Variants in LIG1 observed in about 807,000 individuals in gnomAD.
LIG1 encodes the protein ligase I, DNA, ATP-dependent.
In LIG1, 70 loss-of-function variants were observed where a neutral mutation model predicts 115.7. The ratio of observed to expected loss-of-function variants is 0.60; its 90% CI spans 0.50 to 0.74. The LOEUF is 0.74. Ranked by LOEUF, LIG1 falls within the 30% of genes least tolerant of loss-of-function variation. LIG1 has a pLI of 0.00. For missense variants in LIG1, 1,115 were observed against 1,225.6 expected (o/e 0.91, Z 1.35); for synonymous variants, 487 against 495.3 (o/e 0.98, Z 0.22).
chr19:48,135,548 TCACCCCGTGACCGG>T (rs2034323758), intron 16 of LIG1, 118 bp downstream of exon 16: 3 of 786,630 alleles, frequency 3.8e-6, no homozygotes. Flanking sequence ...CTGCTCTCAG[TCACCCCGTGACCGG>T]CACTCGTGAT....
At position 48,122,575 on chromosome 19, in the gene LIG1, G is replaced by T. The variant is rs1684941701; in HGVS notation, c.2232+359C>A. 6.6e-6 allele frequency among the ~76,000 whole-genome samples: 1 copy of T among 152,222 alleles called. No individual in the cohort carries two copies. Among genetic ancestry groups the T allele is most frequent in the Non-Finnish European group, 1.5e-5 (1 of 68,038 alleles). On this transcript the variant is annotated intron_variant, in intron 23 of 27. Transcript: ENST00000263274. This position sits in a 1 kb window ranked among gnomAD's most constrained non-coding sequence, Gnocchi z 4.3. ...CGCCTTGCTGGCCCGGAGCTGACTT[G>T]CTTTTCTTCATGGCGCCCACTCCTG...
intron 10 of LIG1, 113 bp from the exon 11 acceptor site, chr19:48,143,712 G>T (rs938682359): frequency 2.7e-6 from 3 of 1,091,250 alleles, no homozygotes; most frequent in Admixed American, 1.7e-5. Flanking sequence ...ATACCCAAAT[G>T]CATGAGCTCA....
chr19:48,128,668 C>G (rs1373686357), intron 19 of LIG1, among the ~76,000 whole-genome samples: 1 of 152,274 alleles, frequency 6.6e-6, no homozygotes, highest in African/African-American at 2.4e-5. Flanking sequence ...ACTGGCAAGC[C>G]TTCTTTTCCC....
intron 26 of LIG1, 61 bp downstream of exon 26, chr19:48,117,577 G>GCT (rs764139394): frequency 6.3e-7 from 1 of 1,578,930 alleles, no homozygotes; most frequent in African/African-American, 1.3e-5. Flanking sequence ...TCCCTACTCT[G>GCT]CTCTCTGTGT....
intron 4 of LIG1, among the ~76,000 whole-genome samples, chr19:48,160,879 T>C (rs1456099075): frequency 6.6e-6 from 1 of 151,982 alleles, no homozygotes; most frequent in Non-Finnish European, 1.5e-5. Context: ...ACCACAGGCA[T>C]GCACCACCAC....
At chr19:48,119,332 G>T in intron 24 of LIG1, 142 bp from the exon 25 acceptor site, 1 of 732,984 alleles carries the variant, frequency 1.4e-6, no homozygotes, top group Non-Finnish European at 2.4e-6. Flanking sequence ...GAAGTAGGGA[G>T]CTGGGGGTGC....
rs754729163 is a variant in LIG1 at position 48,123,214 on chromosome 19, G to A, written c.2109C>T (p.Asp703=). 24 of 1,614,022 alleles carry A rather than the reference G, an allele frequency of 1.5e-5. No homozygotes were observed. In the Middle Eastern group the frequency reaches 4.9e-4, roughly 33 times the overall value. The change falls in exon 22 of 28, where the codon GAC becomes GAT. Residue 703 remains aspartate (D), a synonymous_variant. Transcript: ENST00000263274. ...CCAGGAACTCGGCGATCTGCTCGAT[G>A]TCCTTGGTGTCCAGGGAGGTGGCGA... ...FVFATSLDTK[D]IEQIAEFLEQ...
intron 11 of LIG1, among the ~76,000 whole-genome samples, chr19:48,142,557 A>T (rs2034842993): frequency 6.6e-6 from 1 of 152,130 alleles, no homozygotes; most frequent in Non-Finnish European, 1.5e-5. Context: ...AGCAGTCACA[A>T]CAGGCTCGAA....
chr19:48,157,591 C>A (rs1217580602), intron 4 of LIG1, among the ~76,000 whole-genome samples: 1 of 152,134 alleles, frequency 6.6e-6, no homozygotes, highest in African/African-American at 2.4e-5. Flanking sequence ...GTCGCCCAGG[C>A]TGGAGTGCAG....
chr19:48,154,758 C>G (rs868781916), intron 5 of LIG1, among the ~76,000 whole-genome samples: 1 of 152,224 alleles, frequency 6.6e-6, no homozygotes, highest in Non-Finnish European at 1.5e-5. Context: ...CCCGGTCTCC[C>G]GGCCCCCAGT....
chr19:48,126,105 C>T (rs1271504600), intron 21 of LIG1, among the ~76,000 whole-genome samples: 1 of 152,080 alleles, frequency 6.6e-6, no homozygotes, highest in Non-Finnish European at 1.5e-5. Context: ...TTAGCCCTCA[C>T]CCTAACAGAT....
intron 24 of LIG1, chr19:48,120,394 T>G (rs576393929): frequency 1.0e-6 from 1 of 985,132 alleles, no homozygotes; most frequent in Non-Finnish European, 1.2e-6. Context: ...TTTGCAAAAA[T>G]GTAAATAAAA....
chr19:48,159,356 CATCA>C (rs2036040920), intron 4 of LIG1, among the ~76,000 whole-genome samples: 1 of 151,574 alleles, frequency 6.6e-6, no homozygotes, highest in Non-Finnish European at 1.5e-5. Context: ...AGGCGTGAGC[CATCA>C]TGCCTGGCCA....
In LIG1 at chr19:48,123,347, G is replaced by A. The variant is rs3731007; in HGVS notation, c.2005-29C>T. The stretch of plus-strand genomic sequence containing the variant: ...CAGGGCCGGCAGGGAGAAGAGAGAT[G>A]AGACATCTTTGTGAGAATAAAGACA... On this transcript the variant is annotated intron_variant, in intron 21 of 27. Transcript: ENST00000263274. The A allele has an allele frequency of 0.081, 129,750 of 1,608,704 alleles. 9,200 individuals carry two copies. The highest frequency in any genetic ancestry group is 0.35 in the African/African-American group (25,931 of 74,884).
chr19:48,151,989 C>T (rs2035507288), intron 6 of LIG1, among the ~76,000 whole-genome samples: 2 of 152,078 alleles, frequency 1.3e-5, no homozygotes, highest in South Asian at 4.1e-4. Flanking sequence ...GGTCACAATA[C>T]AAACTACAAA....
intron 21 of LIG1, 109 bp from the exon 22 acceptor site, chr19:48,123,427 G>C (rs138776333): frequency 2.4e-5 from 32 of 1,322,472 alleles, no homozygotes; most frequent in African/African-American, 1.2e-4. Context: ...CTAGTGACAG[G>C]GTTCGTGGAA....
At chr19:48,117,965 G>C (rs3731044) in intron 25 of LIG1, 184 bp from the exon 26 acceptor site, 2 of 646,176 alleles carry the variant, frequency 3.1e-6, no homozygotes, top group African/African-American at 3.7e-5. Flanking sequence ...GAAATAGAAA[G>C]AGAAACAGAA....
intron 5 of LIG1, 132 bp from the exon 6 acceptor site, chr19:48,154,099 C>T: frequency 1.3e-6 from 1 of 775,174 alleles, no homozygotes; most frequent in Non-Finnish European, 2.3e-6. Flanking sequence ...CACACAGTCA[C>T]TGCCCCAGTG....
chr19:48,122,961 G>T lies in LIG1; in HGVS notation c.2205C>A (p.Ile735=). The T allele has an allele frequency of 2.5e-6, 4 of 1,613,614 alleles. No individual in the cohort carries two copies. In the South Asian group the frequency reaches 4.4e-5, roughly 18 times the overall value. Residue 735 remains isoleucine (I), a synonymous_variant, in exon 23 of 28, where the codon ATC becomes ATA. Transcript: ENST00000263274. The surrounding 1 kb of genome is among the most constrained non-coding windows in gnomAD (Gnocchi z 4.3). ...TGAGCCAGTTGTGCGATCTCTTGGC[G>T]ATCTCGTAGGTGGCATCAACATCCA... ...KTLDVDATYE[I]AKRSHNWLKL...
Sources: allele counts gnomAD v4.1 joint callset (sites outside exome capture counted in the v4.1 genomes callset), GRCh38; gene constraint gnomAD v4.1.1; non-coding constraint Gnocchi (gnomAD v3.1); transcripts MANE v1.5; gene names NCBI Gene and HGNC (gene_info 2026-07-23, HGNC 2026-07-21).